The following STAU2 variants were observed in gnomAD, a reference collection of about 807,000 sequenced individuals.
STAU2 encodes staufen double-stranded RNA binding protein 2.
STAU2 carries 20 observed loss-of-function variants against 65.9 expected under a neutral mutation model. The observed-to-expected ratio is 0.30, with a 90% CI of 0.21 to 0.44. STAU2 has a LOEUF of 0.44. Ranked by LOEUF, STAU2 falls within the 20% of genes least tolerant of loss-of-function variation. STAU2 has a pLI of 1.00. For missense variants in STAU2, 558 were observed against 683.9 expected, an observed-to-expected ratio of 0.82 and a Z score of 2.05; for synonymous variants, 232 against 233.9, an observed-to-expected ratio of 0.99 and a Z score of 0.07.
chr8:73,520,652 G>C (rs118089915), intron 13 of STAU2, among the ~76,000 whole-genome samples: 5,142 of 152,242 alleles, frequency 0.034, 257 homozygotes, highest in Admixed American at 0.13. Context: ...GGGGTTCCTG[G>C]TACAGATGTC....
chr8:73,585,176 T>C (rs1483524318), intron 11 of STAU2, among the ~76,000 whole-genome samples: 1 of 152,266 alleles, frequency 6.6e-6, no homozygotes, highest in Non-Finnish European at 1.5e-5. Flanking sequence ...TCTTACCTTA[T>C]GTTACCTCAA....
intron 3 of STAU2, among the ~76,000 whole-genome samples, chr8:73,713,181 A>C (rs1265161963): frequency 1.3e-5 from 2 of 152,244 alleles, no homozygotes; most frequent in Non-Finnish European, 2.9e-5. Context: ...ATTTATAATA[A>C]CAGTATTTGC....
chr8:73,683,363 T>C (rs954654340), intron 5 of STAU2, among the ~76,000 whole-genome samples: 4 of 151,824 alleles, frequency 2.6e-5, no homozygotes, highest in African/African-American at 9.7e-5. Context: ...AAAACAAAAA[T>C]CACATGACAT....
intron 4 of STAU2, among the ~76,000 whole-genome samples, chr8:73,690,197 C>T (rs1437704042): frequency 6.6e-6 from 1 of 151,510 alleles, no homozygotes; most frequent in Non-Finnish European, 1.5e-5. Flanking sequence ...GACGTGGTGG[C>T]GGGTGCCTGT....
intron 11 of STAU2, among the ~76,000 whole-genome samples, chr8:73,588,514 G>T (rs7820246): frequency 5.9e-5 from 9 of 152,068 alleles, no homozygotes; most frequent in Admixed American, 5.9e-4. Flanking sequence ...TGGCTGCACT[G>T]AGGGATAAGC....
chr8:73,675,375 A>ACG (rs1817966167), intron 5 of STAU2: 1 of 150,338 alleles, frequency 6.7e-6, no homozygotes. Context: ...ATGTATACAC[A>ACG]CACACACACA....
At chr8:73,728,505 G>A (rs1384550319) in intron 3 of STAU2, among the ~76,000 whole-genome samples, 1 of 147,504 alleles carries the variant, frequency 6.8e-6, no homozygotes, top group East Asian at 2.0e-4. Flanking sequence ...GATAGAGATT[G>A]CATTGAATCT....
intron 13 of STAU2, among the ~76,000 whole-genome samples, chr8:73,426,111 C>T (rs1455375701): frequency 1.3e-5 from 2 of 152,248 alleles, no homozygotes; most frequent in East Asian, 1.9e-4. Context: ...ACTTAGTATC[C>T]TCTCCCCATG....
intron 12 of STAU2, among the ~76,000 whole-genome samples, chr8:73,580,211 G>A (rs1190837562): frequency 6.6e-6 from 1 of 152,186 alleles, no homozygotes; most frequent in Non-Finnish European, 1.5e-5. Flanking sequence ...AAACCATAGT[G>A]AGTTAGCCAT....
At chr8:73,424,673 T>C (rs901515399) in intron 13 of STAU2, among the ~76,000 whole-genome samples, 14 of 152,186 alleles carry the variant, frequency 9.2e-5, no homozygotes, top group African/African-American at 3.4e-4. Context: ...TAAACATCCA[T>C]ATGTGGAATT....
At position 73,550,224 on chromosome 8, in the gene STAU2, G is replaced by A. The variant is rs961789371; in HGVS notation, c.1530+1788C>T. ...ATACACAGATTTGGAAACATATAAC[G>A]TGTCCATAAAAAAGAGTATATTATG... On this transcript the variant is annotated intron_variant, in intron 13 of 14. Coordinates refer to ENST00000524300, the MANE Select transcript of STAU2 (RefSeq NM_001164380.2). The A allele has an allele frequency of 4.0e-5, 39 of 985,138 alleles. No individual in the cohort carries two copies. The African/African-American group carries it at 4.7e-4, about 12-fold the overall frequency. 61.0% of individuals were successfully genotyped at this position (985,138 alleles called of 1,614,324 possible).
At chr8:73,587,073 A>C (rs1563440934) in intron 11 of STAU2, among the ~76,000 whole-genome samples, 1 of 152,194 alleles carries the variant, frequency 6.6e-6, no homozygotes, top group Admixed American at 6.5e-5. Flanking sequence ...AAAATAGAAA[A>C]GCATCGAGAG....
At position 73,613,798 on chromosome 8, in the gene STAU2, A is replaced by G. The variant is rs201913123; in HGVS notation, c.837T>C (p.Pro279=). 2.5e-6 allele frequency: 4 copies of G among 1,613,510 alleles called. No homozygotes were observed. The Admixed American group carries it at 6.7e-5, about 27-fold the overall frequency. The change falls in exon 9 of 15, where the codon CCT becomes CCC. Residue 279 remains proline, a synonymous_variant. Coordinates refer to ENST00000524300, the MANE Select transcript of STAU2 (RefSeq NM_001164380.2). The part of the protein sequence containing the change: ...LQELKKLPPL[P]VVEKPKLFFK... ...AAAATAGTTTTGGCTTTTCCACCAC[A>G]GGAAGAGGTGGAAGTTTTTTAAGCT...
chr8:73,614,520 G>A (rs975288780), intron 8 of STAU2, among the ~76,000 whole-genome samples: 2 of 152,146 alleles, frequency 1.3e-5, no homozygotes, highest in East Asian at 3.8e-4. Flanking sequence ...AAAAAGGTAA[G>A]TAGGTATGCC....
intron 13 of STAU2, among the ~76,000 whole-genome samples, chr8:73,467,248 C>A (rs970172890): frequency 6.6e-6 from 1 of 152,132 alleles, no homozygotes; most frequent in African/African-American, 2.4e-5. Context: ...ATTAGTTCTT[C>A]TCGGCCGGGC....
intron 12 of STAU2, among the ~76,000 whole-genome samples, chr8:73,554,486 G>A (rs549008751): frequency 7.4e-4 from 113 of 152,298 alleles, no homozygotes; most frequent in African/African-American, 2.6e-3. Flanking sequence ...CCCCTTCTAG[G>A]CAGAAAGAAG....
At chr8:73,669,056 C>T (rs201379762) in intron 6 of STAU2, 8 of 544,912 alleles carry the variant, frequency 1.5e-5, no homozygotes, top group Non-Finnish European at 2.5e-5. Flanking sequence ...AAGGAAAAGA[C>T]ATCTCCTTGG....
chr8:73,654,580 C>T (rs1427605624), intron 6 of STAU2, among the ~76,000 whole-genome samples: 2 of 129,002 alleles, frequency 1.6e-5, no homozygotes, highest in Admixed American at 2.0e-4. Context: ...GTCATGGCTG[C>T]ACTGAGCCGT....
intron 3 of STAU2, among the ~76,000 whole-genome samples, chr8:73,716,662 C>CT (rs36029343): frequency 0.28 from 42,037 of 152,078 alleles, 6,320 homozygotes; most frequent in East Asian, 0.45. Context: ...TGTTAATTAA[C>CT]TTTTTTCATT....
Sources: gnomAD v4.1 joint callset for allele counts (sites outside exome capture counted in the v4.1 genomes callset) on GRCh38, gnomAD v4.1.1 for gene constraint, MANE v1.5 for transcripts, NCBI Gene and HGNC (gene_info 2026-07-23, HGNC 2026-07-21) for gene names.